Variants in DDHD1 observed in about 807,000 individuals in gnomAD.
DDHD1 encodes the protein DDHD domain containing 1.
Under a neutral mutation model 96.4 loss-of-function variants are expected in DDHD1, and 49 were observed. The ratio of observed to expected loss-of-function variants is 0.51; its 90% CI spans 0.40 to 0.64. The LOEUF is 0.64. Among genes scored for constraint, DDHD1 ranks in the 30% least tolerant of loss-of-function variants. DDHD1 has a pLI of 0.00. For missense variants in DDHD1, 1,106 were observed against 1,161.2 expected (o/e 0.95, Z 0.69); for synonymous variants, 442 against 446.5 (o/e 0.99, Z 0.13).
At chr14:53,136,777 A>G (rs963745351) in intron 1 of DDHD1, among the ~76,000 whole-genome samples, 2 of 152,246 alleles carry the variant, frequency 1.3e-5, no homozygotes, top group Non-Finnish European at 2.9e-5. Context: ...ACCCTAACAA[A>G]GCTCAAAAGA....
Position 53,046,722 on chromosome 14 carries a change from A to G in DDHD1, c.*46T>C, listed in dbSNP as rs1194737457. 21 of 547,204 alleles carry G rather than the reference A, an allele frequency of 3.8e-5. No homozygotes were observed. The highest frequency in any genetic ancestry group is 1.3e-4 in the East Asian group (2 of 15,294). The allele number at this position is 547,204 out of a possible 1,614,324, so 33.9% of individuals were successfully genotyped here. A position where few individuals can be genotyped will look rare whatever the true frequency, so the allele number is the denominator to read the frequency against. On this transcript the variant is annotated 3_prime_UTR_variant, in exon 13 of 13. Transcript: ENST00000673822. The stretch of plus-strand genomic sequence containing the variant: ...TATCTTGACACACACATTTTAACGG[A>G]AAAAAAAAAAATCAGTTTTAGGCCA...
At chr14:53,082,529 T>A (rs7141306) in intron 4 of DDHD1, among the ~76,000 whole-genome samples, 1 of 148,666 alleles carries the variant, frequency 6.7e-6, no homozygotes. Context: ...GAAGCTGAGG[T>A]GGGTGGATCA....
Position 53,086,795 on chromosome 14 carries a change from A to G in DDHD1, c.1289+4990T>C, listed in dbSNP as rs573688968. On this transcript the variant is annotated intron_variant, in intron 4 of 12. Coordinates refer to ENST00000673822, the MANE Select transcript of DDHD1 (RefSeq NM_001160148.2). ...CATAATGACAGGATCAAATTCACAC[A>G]TAACAATATTAACCTTAACTGTAAA... Among the ~76,000 whole-genome samples the G allele has an allele frequency of 4.2e-4, 64 of 152,278 alleles. 2 individuals are homozygous for G. The South Asian group carries it at 0.013, about 31-fold the overall frequency.
chr14:53,110,321 T>C (rs1888010443), intron 1 of DDHD1, among the ~76,000 whole-genome samples: 1 of 152,184 alleles, frequency 6.6e-6, no homozygotes, highest in Non-Finnish European at 1.5e-5. Context: ...CTCACCACCA[T>C]TACCCAATGC....
intron 11 of DDHD1, 124 bp from the exon 12 acceptor site, chr14:53,052,051 A>G (rs1882633807): frequency 1.5e-6 from 1 of 665,150 alleles, no homozygotes; most frequent in Admixed American, 2.7e-5. Context: ...TAGCATACAT[A>G]AAGTAGTACA....
At chr14:53,122,582 G>GTTTTTTT (rs56655949) in intron 1 of DDHD1, among the ~76,000 whole-genome samples, 1 of 143,808 alleles carries the variant, frequency 7.0e-6, no homozygotes, top group Non-Finnish European at 1.5e-5. Context: ...TCTGCTAATA[G>GTTTTTTT]TTTTTTTTTT....
chr14:53,094,843 C>CAAAA (rs35080055), intron 2 of DDHD1, among the ~76,000 whole-genome samples: 1 of 141,286 alleles, frequency 7.1e-6, no homozygotes. Context: ...GATCCTGTCT[C>CAAAA]AAAAAAAAAA....
At chr14:53,083,401 T>A (rs578015248) in intron 4 of DDHD1, among the ~76,000 whole-genome samples, 11 of 152,306 alleles carry the variant, frequency 7.2e-5, no homozygotes, top group Non-Finnish European at 1.5e-4. Context: ...TAAATTCAAT[T>A]GTATTTAAAA....
At chr14:53,059,541 A>G (rs1014642389) in intron 8 of DDHD1, among the ~76,000 whole-genome samples, 1 of 148,282 alleles carries the variant, frequency 6.7e-6, no homozygotes, top group Non-Finnish European at 1.5e-5. Flanking sequence ...CACCGTGCCC[A>G]GCCATAACCT....
chr14:53,090,663 G>C (rs1269682154), intron 4 of DDHD1, among the ~76,000 whole-genome samples: 1 of 152,134 alleles, frequency 6.6e-6, no homozygotes, highest in African/African-American at 2.4e-5. Context: ...TCATATGTGG[G>C]AACTGAACAA....
chr14:53,089,999 T>A (rs1427462592), intron 4 of DDHD1, among the ~76,000 whole-genome samples: 1 of 152,136 alleles, frequency 6.6e-6, no homozygotes, highest in East Asian at 1.9e-4. Context: ...ATATCCAGAA[T>A]CTACAAAGAA....
In DDHD1 at chr14:53,140,362, C is replaced by T. The variant is rs562905408; in HGVS notation, c.838+11899G>A. Among the ~76,000 whole-genome samples, 5 of 152,176 alleles carry T rather than the reference C, an allele frequency of 3.3e-5. No homozygotes were observed. In the South Asian group the frequency reaches 6.2e-4, roughly 19 times the overall value. On this transcript the variant is annotated intron_variant, in intron 1 of 12. Transcript: ENST00000673822. Reference sequence around the variant, plus strand: ...CAGCCTGACCAACATGGTGGAACCCCGTCTCTACTAAAAATACAAAAATTA... The same window carrying T: ...CAGCCTGACCAACATGGTGGAACCCTGTCTCTACTAAAAATACAAAAATTA...
intron 1 of DDHD1, among the ~76,000 whole-genome samples, chr14:53,136,844 C>T (rs141145588): frequency 6.6e-6 from 1 of 152,204 alleles, no homozygotes; most frequent in East Asian, 1.9e-4. Flanking sequence ...AGAATAAAAC[C>T]CAAAAGTACT....
intron 1 of DDHD1, among the ~76,000 whole-genome samples, chr14:53,105,010 CTG>C (rs1887580853): frequency 6.6e-6 from 1 of 151,868 alleles, no homozygotes; most frequent in Non-Finnish European, 1.5e-5. Context: ...TAATTTGAAA[CTG>C]TAGGTTAAGA....
intron 10 of DDHD1, among the ~76,000 whole-genome samples, chr14:53,055,298 AC>A (rs1257368573): frequency 6.6e-6 from 1 of 152,204 alleles, no homozygotes; most frequent in African/African-American, 2.4e-5. Context: ...GACAGGGAGC[AC>A]CCTCTGACAC....
intron 12 of DDHD1, among the ~76,000 whole-genome samples, chr14:53,047,389 G>C (rs1882108955): frequency 6.6e-6 from 1 of 152,152 alleles, no homozygotes; most frequent in Non-Finnish European, 1.5e-5. Flanking sequence ...TCCTTAGGGA[G>C]GCCCTATATA....
intron 1 of DDHD1, among the ~76,000 whole-genome samples, chr14:53,124,991 G>A (rs571438110): frequency 2.8e-4 from 43 of 152,228 alleles, no homozygotes; most frequent in African/African-American, 7.9e-4. Context: ...GTGTGGGTGT[G>A]TCTCTCGTGT....
At chr14:53,063,729 A>G (rs1479909493) in intron 6 of DDHD1, among the ~76,000 whole-genome samples, 1 of 152,098 alleles carries the variant, frequency 6.6e-6, no homozygotes, top group African/African-American at 2.4e-5. Context: ...TGAAGAAAAA[A>G]CAAAAGTTGA....
Position 53,062,861 on chromosome 14 carries a change from T to A in DDHD1, c.1766+82A>T, listed in dbSNP as rs768388827. On this transcript the variant is annotated intron_variant, in intron 7 of 12. Coordinates refer to ENST00000673822, the MANE Select transcript of DDHD1 (RefSeq NM_001160148.2). ...TGAACAATGCATTATTTCTTTATCA[T>A]GAAATTCTTAGTTTTCTCGTAAGAG... The A allele has an allele frequency of 2.1e-6, 3 of 1,401,514 alleles. No homozygotes were observed. In the African/African-American group the frequency reaches 4.3e-5, roughly 20 times the overall value. 86.8% of individuals were successfully genotyped at this position (1,401,514 alleles called of 1,614,324 possible).
Sources: gnomAD v4.1 joint callset for allele counts (sites outside exome capture counted in the v4.1 genomes callset) on GRCh38, gnomAD v4.1.1 for gene constraint, MANE v1.5 for transcripts, NCBI Gene and HGNC (gene_info 2026-07-23, HGNC 2026-07-21) for gene names.